Variants in WNK1 observed in about 807,000 individuals in gnomAD.
The protein encoded by WNK1 is WNK lysine deficient protein kinase 1.
Under a neutral mutation model 222.8 loss-of-function variants are expected in WNK1, and 38 were observed. The ratio of observed to expected loss-of-function variants is 0.17; its 90% CI spans 0.13 to 0.22. WNK1 has a LOEUF of 0.22. WNK1 is among the 10% of genes least tolerant of loss of function. The pLI is 1.00. For missense variants in WNK1, 2,348 were observed against 2,918.4 expected (o/e 0.80, Z 4.50); for synonymous variants, 1,090 against 1,092.9 (o/e 1.00, Z 0.05).
chr12:839,534 A>C (rs1170226753), intron 4 of WNK1, among the ~76,000 whole-genome samples: 2 of 152,180 alleles, frequency 1.3e-5, no homozygotes, highest in African/African-American at 2.4e-5. Flanking sequence ...ATTAGATTTG[A>C]GCTAACCTCA....
chr12:851,985 A>C (rs1002925514), intron 4 of WNK1, among the ~76,000 whole-genome samples: 2 of 152,130 alleles, frequency 1.3e-5, no homozygotes, highest in Admixed American at 1.3e-4. Flanking sequence ...AGGCTTTTGT[A>C]AATTCTGAAT....
At chr12:771,140 GGT>G (rs1942432665) in intron 1 of WNK1, among the ~76,000 whole-genome samples, 1 of 152,030 alleles carries the variant, frequency 6.6e-6, no homozygotes, top group Non-Finnish European at 1.5e-5. Flanking sequence ...TGGGACTACA[GGT>G]GCATGCCACC....
chr12:882,095 G>C, intron 14 of WNK1, 22 bp downstream of exon 14: 1 of 1,588,872 alleles, frequency 6.3e-7, no homozygotes, highest in Non-Finnish European at 8.6e-7. Context: ...TAATTTGTGA[G>C]TTTCATGTTG....
chr12:886,852 T>C (rs553558991), intron 19 of WNK1, among the ~76,000 whole-genome samples: 7 of 152,360 alleles, frequency 4.6e-5, no homozygotes, highest in Non-Finnish European at 8.8e-5. Flanking sequence ...CTGTTTTCTT[T>C]TCTCAGAAAA....
chr12:868,746 A>T lies in WNK1; in HGVS notation c.2140-2519A>T. The T allele has an allele frequency of 8.1e-6, 13 of 1,614,020 alleles. No individual in the cohort carries two copies. The highest frequency in any genetic ancestry group is 1.1e-5 in the Non-Finnish European group (13 of 1,179,894). ...TTGAATCAAGAAGAACTGCCTCCTCAATCAGTTGGATTACATGGCTACTTG... is the reference window on the plus strand; with the variant it reads ...TTGAATCAAGAAGAACTGCCTCCTCTATCAGTTGGATTACATGGCTACTTG... On this transcript the variant is annotated intron_variant, in intron 8 of 27. Transcript: ENST00000315939.
chr12:891,362 T>A (rs1039563982), intron 22 of WNK1, among the ~76,000 whole-genome samples: 7 of 152,212 alleles, frequency 4.6e-5, no homozygotes, highest in Non-Finnish European at 1.0e-4. Context: ...GGTCGCAAAC[T>A]CCTGACCTCA....
chr12:764,670 A>T (rs1006115519), intron 1 of WNK1, among the ~76,000 whole-genome samples: 4 of 143,500 alleles, frequency 2.8e-5, no homozygotes, highest in Non-Finnish European at 6.2e-5. Flanking sequence ...AAAAATCATT[A>T]ACATTCCCAC....
chr12:888,465 ATAGC>A (rs1953883106), intron 20 of WNK1, among the ~76,000 whole-genome samples: 1 of 152,212 alleles, frequency 6.6e-6, no homozygotes, highest in Admixed American at 6.5e-5. Context: ...GTAAGGGTAA[ATAGC>A]TAGTGCCTAG....
chr12:757,972 T>C (rs1310154678), intron 1 of WNK1, among the ~76,000 whole-genome samples: 2 of 141,544 alleles, frequency 1.4e-5, no homozygotes, highest in African/African-American at 5.1e-5. Context: ...GAGGCAGAGG[T>C]TGCAGTGAGT....
intron 26 of WNK1, chr12:901,663 AC>A (rs1238510644): frequency 1.6e-6 from 2 of 1,264,020 alleles, no homozygotes; most frequent in African/African-American, 3.1e-5. Flanking sequence ...TGTGTGTAAC[AC>A]CTTTACTCCT....
intron 4 of WNK1, among the ~76,000 whole-genome samples, chr12:831,886 C>T (rs951287457): frequency 1.3e-5 from 2 of 151,740 alleles, no homozygotes; most frequent in South Asian, 2.1e-4. Context: ...TTAGGCTAAA[C>T]ATTTTTTGCA....
chr12:900,194 C>T (rs1482348789), intron 25 of WNK1, among the ~76,000 whole-genome samples: 1 of 151,986 alleles, frequency 6.6e-6, no homozygotes, highest in African/African-American at 2.4e-5. Context: ...TCATGTTGGC[C>T]AGGCTGGTCT....
Position 885,153 on chromosome 12 carries a change from C to T in WNK1, c.4349C>T (p.Ser1450Leu). The change falls in exon 19 of 28, where the codon TCA becomes TTA. Residue 1450 changes from serine (S) to leucine (L), a missense_variant. Physicochemically the swap from Ser to Leu is moderately radical, Grantham distance 145 (BLOSUM62 -2). Coordinates refer to ENST00000315939, the MANE Select transcript of WNK1 (RefSeq NM_018979.4). The part of the protein sequence containing the change: ...IVVSSTALYP[S>L]VTVSATSASA... ...GTTTCTAGTACAGCACTGTATCCTT[C>T]AGTAACAGTTTCAGCAACTTCAGCC... 3 of 1,614,134 alleles carry T rather than the reference C, an allele frequency of 1.9e-6. No homozygotes were observed. Among genetic ancestry groups the T allele is most frequent in the Non-Finnish European group, 2.5e-6 (3 of 1,179,994 alleles).
intron 8 of WNK1, among the ~76,000 whole-genome samples, chr12:870,457 T>G (rs945585743): frequency 6.6e-6 from 1 of 152,226 alleles, no homozygotes; most frequent in African/African-American, 2.4e-5. Flanking sequence ...GAACCCCTTG[T>G]AAACTGAAAT....
intron 1 of WNK1, among the ~76,000 whole-genome samples, chr12:781,464 T>TAA (rs1401993041): frequency 6.6e-6 from 1 of 152,228 alleles, no homozygotes; most frequent in African/African-American, 2.4e-5. Flanking sequence ...AATCATAACA[T>TAA]AAGCTCTGAA....
chr12:830,963 T>A (rs2154028571), intron 4 of WNK1, among the ~76,000 whole-genome samples: 1 of 152,336 alleles, frequency 6.6e-6, no homozygotes, highest in Middle Eastern at 3.4e-3. Flanking sequence ...TTTACTTTCT[T>A]TTTCTGCATG....
rs1464780399 is a variant in WNK1 at position 896,514 on chromosome 12, G to A, written c.6027G>A (p.Gly2009=). ...PELSEPSHLN[G]PSSDPEAAFL... ...TGTCAGAGCCTTCACATCTAAATGG[G>A]CCGTCTTCTGACCCGGAGGCCGCTT... The change falls in exon 24 of 28, where the codon GGG becomes GGA. Residue 2009 remains glycine, a synonymous_variant. Coordinates refer to ENST00000315939, the MANE Select transcript of WNK1 (RefSeq NM_018979.4). 3 of 1,613,642 alleles carry A rather than the reference G, an allele frequency of 1.9e-6. No homozygotes were observed. Among genetic ancestry groups the A allele is most frequent in the Admixed American group, 1.7e-5 (1 of 59,942 alleles).
chr12:868,097 C>T, intron 8 of WNK1: 3 of 1,614,006 alleles, frequency 1.9e-6, no homozygotes, highest in East Asian at 2.2e-5. Flanking sequence ...TGGTGGCAGC[C>T]CAACTAACTG....
intron 1 of WNK1, among the ~76,000 whole-genome samples, chr12:797,209 C>T (rs182108312): frequency 6.6e-6 from 1 of 152,230 alleles, no homozygotes; most frequent in East Asian, 1.9e-4. Flanking sequence ...TGTACTTATA[C>T]GCTCTTCTCA....
Sources: gnomAD v4.1 joint callset for allele counts (sites outside exome capture counted in the v4.1 genomes callset) on GRCh38, gnomAD v4.1.1 for gene constraint, MANE v1.5 for transcripts, NCBI Gene and HGNC (gene_info 2026-07-23, HGNC 2026-07-21) for gene names.